SHTN1: variants seen among roughly 807,000 people sequenced by gnomAD.
SHTN1 encodes shootin 1.
In SHTN1, 42 loss-of-function variants were observed where a neutral mutation model predicts 83.1. The ratio of observed to expected loss-of-function variants is 0.51; its 90% CI spans 0.39 to 0.65. The LOEUF is 0.65. Among genes scored for constraint, SHTN1 ranks in the 30% least tolerant of loss-of-function variants. The pLI, the probability that SHTN1 is intolerant of heterozygous loss-of-function variation, is 0.00. For missense variants in SHTN1, 622 were observed against 737.8 expected (o/e 0.84, Z 1.82); for synonymous variants, 224 against 247.7 (o/e 0.90, Z 0.90).
At chr10:116,916,846 T>G (rs921999965) in intron 12 of SHTN1, among the ~76,000 whole-genome samples, 4 of 152,140 alleles carry the variant, frequency 2.6e-5, no homozygotes, top group African/African-American at 9.7e-5. Flanking sequence ...CGTCCTAACT[T>G]CAAAGAGAAT....
At chr10:117,026,137 G>T (rs1247800029) in intron 2 of SHTN1, among the ~76,000 whole-genome samples, 3 of 152,088 alleles carry the variant, frequency 2.0e-5, no homozygotes, top group Non-Finnish European at 4.4e-5. Flanking sequence ...TCCAGGTCTT[G>T]GCTCTTAGAT....
At chr10:116,986,716 C>CTTTTTT (rs869306412) in intron 1 of SHTN1, among the ~76,000 whole-genome samples, 3 of 75,884 alleles carry the variant, frequency 4.0e-5, no homozygotes, top group African/African-American at 1.6e-4. Flanking sequence ...ACCCAGTATC[C>CTTTTTT]TTTTTTTTTT....
At chr10:116,943,013 A>G (rs990839475) in intron 8 of SHTN1, among the ~76,000 whole-genome samples, 1 of 152,214 alleles carries the variant, frequency 6.6e-6, no homozygotes, top group African/African-American at 2.4e-5. Context: ...ACGTGGTGCT[A>G]TTTTTTAAAA....
intron 2 of SHTN1, chr10:117,023,656 C>CGTT (rs1852292654): frequency 6.6e-6 from 1 of 152,578 alleles, no homozygotes; most frequent in Non-Finnish European, 1.5e-5. Flanking sequence ...AAAGATTGAG[C>CGTT]GTTTTGATCA....
At chr10:117,080,009 T>C (rs1853235698) in intron 1 of SHTN1, among the ~76,000 whole-genome samples, 1 of 47,896 alleles carries the variant, frequency 2.1e-5, no homozygotes, top group Middle Eastern at 0.012. Flanking sequence ...CTGATGGTAG[T>C]TTCTTTTGCT....
chr10:116,918,181 GTCT>G (rs1192813444), intron 12 of SHTN1, among the ~76,000 whole-genome samples: 2 of 152,106 alleles, frequency 1.3e-5, no homozygotes, highest in East Asian at 3.9e-4. Context: ...AAGACAACAG[GTCT>G]AATGTTATTG....
intron 2 of SHTN1, among the ~76,000 whole-genome samples, chr10:116,970,978 G>A (rs1423570565): frequency 6.6e-6 from 1 of 152,098 alleles, no homozygotes. Flanking sequence ...AATTTCAAGA[G>A]AAATAACAGT....
At chr10:117,042,693 G>A (rs1414695636) in intron 2 of SHTN1, among the ~76,000 whole-genome samples, 1 of 151,126 alleles carries the variant, frequency 6.6e-6, no homozygotes, top group East Asian at 2.0e-4. Flanking sequence ...TTGGCTCACT[G>A]CAACCTCCAC....
chr10:117,051,721 A>G (rs964612960), intron 1 of SHTN1, among the ~76,000 whole-genome samples: 2 of 146,412 alleles, frequency 1.4e-5, no homozygotes, highest in Non-Finnish European at 3.0e-5. Context: ...CTTTCATGAT[A>G]AAAAAAAAAA....
At chr10:117,093,366 CATT>C (rs1853461185) in intron 1 of SHTN1, among the ~76,000 whole-genome samples, 1 of 151,756 alleles carries the variant, frequency 6.6e-6, no homozygotes, top group East Asian at 1.9e-4. Context: ...CCCTGCAAGG[CATT>C]ATTATTAATA....
At chr10:117,000,085 C>T (rs567574291) in intron 1 of SHTN1, among the ~76,000 whole-genome samples, 30 of 152,244 alleles carry the variant, frequency 2.0e-4, no homozygotes, top group Middle Eastern at 3.4e-3. Context: ...TTGATAAGTA[C>T]CTGGTGATTC....
At chr10:116,927,993 T>C in intron 10 of SHTN1, 102 bp from the exon 11 acceptor site, 2 of 1,388,520 alleles carry the variant, frequency 1.4e-6, no homozygotes, top group Middle Eastern at 2.4e-4. Flanking sequence ...AGTAAGTTCT[T>C]TTTATTAAGG....
At chr10:116,890,595 C>CA (rs1333328896) in intron 16 of SHTN1, among the ~76,000 whole-genome samples, 3 of 152,008 alleles carry the variant, frequency 2.0e-5, no homozygotes, top group African/African-American at 7.2e-5. Context: ...AAGACAAAAC[C>CA]AAAAACCAAA....
chr10:117,038,304 ATT>A (rs56058010), intron 2 of SHTN1, among the ~76,000 whole-genome samples: 449 of 144,004 alleles, frequency 3.1e-3, no homozygotes, highest in Non-Finnish European at 2.9e-3. Flanking sequence ...ATACCCAGCT[ATT>A]TTTTTTTTTT....
At chr10:117,110,018 T>A (rs1853742982) in intron 1 of SHTN1, among the ~76,000 whole-genome samples, 1 of 152,172 alleles carries the variant, frequency 6.6e-6, no homozygotes, top group African/African-American at 2.4e-5. Context: ...CTGGAGAGTC[T>A]ACCTGAGTTT....
intron 16 of SHTN1, among the ~76,000 whole-genome samples, chr10:116,891,319 G>A (rs770687337): frequency 6.6e-6 from 1 of 152,144 alleles, no homozygotes; most frequent in African/African-American, 2.4e-5. Context: ...CTTTCAAATC[G>A]CAACAGCTGG....
intron 4 of SHTN1, among the ~76,000 whole-genome samples, chr10:116,956,308 C>T (rs1849976726): frequency 6.6e-6 from 1 of 152,102 alleles, no homozygotes; most frequent in Non-Finnish European, 1.5e-5. Flanking sequence ...TGTAAAGAAA[C>T]GCATTGCTTT....
At chr10:117,077,384 T>A (rs1382270629) in intron 1 of SHTN1, among the ~76,000 whole-genome samples, 1 of 152,090 alleles carries the variant, frequency 6.6e-6, no homozygotes, top group Admixed American at 6.5e-5. Flanking sequence ...GAAATCAAGG[T>A]TTTCACTGGA....
chr10:116,909,843 G>C (rs1848120603), intron 14 of SHTN1, among the ~76,000 whole-genome samples: 1 of 152,038 alleles, frequency 6.6e-6, no homozygotes, highest in Non-Finnish European at 1.5e-5. Context: ...CTTCTTTCTG[G>C]TTCTGTTCCA....
Sources: gnomAD v4.1 joint callset for allele counts (sites outside exome capture counted in the v4.1 genomes callset) on GRCh38, gnomAD v4.1.1 for gene constraint, MANE v1.5 for transcripts, NCBI Gene and HGNC (gene_info 2026-07-23, HGNC 2026-07-21) for gene names.